ATOH8: variants seen among roughly 807,000 people sequenced by gnomAD.
ATOH8 encodes the protein atonal bHLH transcription factor 8.
Under a neutral mutation model 21.2 loss-of-function variants are expected in ATOH8, and 9 were observed. The observed-to-expected ratio is 0.42, with a 90% CI of 0.26 to 0.74. ATOH8 has a LOEUF of 0.74. Among genes scored for constraint, ATOH8 ranks in the 30% least tolerant of loss-of-function variants. The pLI is 0.24. For missense variants in ATOH8, 524 were observed against 470.9 expected (o/e 1.11, Z -1.04); for synonymous variants, 253 against 224.0 (o/e 1.13, Z -1.16).
chr2:85,786,558 G>A (rs1680625292), intron 2 of ATOH8, among the ~76,000 whole-genome samples: 1 of 152,224 alleles, frequency 6.6e-6, no homozygotes, highest in African/African-American at 2.4e-5. Flanking sequence ...ATCCCTCAGA[G>A]GGGTGGCCCT....
At position 85,774,368 on chromosome 2, in the gene ATOH8, G is replaced by A. The variant is rs1382128851; in HGVS notation, c.960+10186G>A. The A allele has an allele frequency of 3.0e-6, 3 of 985,470 alleles. No homozygotes were observed. In the African/African-American group the frequency reaches 5.2e-5, roughly 17 times the overall value. 61.0% of individuals were successfully genotyped at this position (985,470 alleles called of 1,614,324 possible). Reference sequence around the variant, plus strand: ...CACAGTGCGAGGCCTCAGACAGGGTGTCAGCAGGCCCTGGCTCCCCACATC... The same window carrying A: ...CACAGTGCGAGGCCTCAGACAGGGTATCAGCAGGCCCTGGCTCCCCACATC... On this transcript the variant is annotated intron_variant, in intron 2 of 2. Transcript: ENST00000306279.
Position 85,754,007 on chromosome 2 carries a change from G to A in ATOH8, c.-183G>A, listed in dbSNP as rs1679579051. 8.4e-6 allele frequency: 5 copies of A among 594,702 alleles called. No individual in the cohort carries two copies. The East Asian group carries it at 1.1e-4, about 13-fold the overall frequency. 36.8% of individuals were successfully genotyped at this position (594,702 alleles called of 1,614,324 possible). ...AGCGACTTCAGATGACACTCTGAGCGCTCCGGGAACGGACAGCCCGGCGGC... is the reference window on the plus strand; with the variant it reads ...AGCGACTTCAGATGACACTCTGAGCACTCCGGGAACGGACAGCCCGGCGGC... On this transcript the variant is annotated 5_prime_UTR_variant, in exon 1 of 3. Coordinates refer to ENST00000306279, the MANE Select transcript of ATOH8 (RefSeq NM_032827.7).
At chr2:85,774,037 G>A (rs1160672818) in intron 2 of ATOH8, 1 of 955,116 alleles carries the variant, frequency 1.0e-6, no homozygotes, top group Non-Finnish European at 1.2e-6. Context: ...ACCCTGATTA[G>A]TTATCATGAA....
At chr2:85,783,336 A>T (rs1680544833) in intron 2 of ATOH8, among the ~76,000 whole-genome samples, 1 of 152,120 alleles carries the variant, frequency 6.6e-6, no homozygotes, top group African/African-American at 2.4e-5. Context: ...CTGGGAGGCC[A>T]AGGAGGGTGG....
intron 2 of ATOH8, chr2:85,780,997 G>A: frequency 2.0e-6 from 2 of 988,020 alleles, no homozygotes; most frequent in East Asian, 1.1e-4. Context: ...AGAAGCCCAG[G>A]CTTTGCGCCT....
chr2:85,755,697 C>T (rs959876801), intron 1 of ATOH8, among the ~76,000 whole-genome samples: 1 of 152,108 alleles, frequency 6.6e-6, no homozygotes, highest in Non-Finnish European at 1.5e-5. Flanking sequence ...GGGCTGCCCT[C>T]ACCAGACAGT....
intron 2 of ATOH8, among the ~76,000 whole-genome samples, chr2:85,781,719 TAA>T (rs903916407): frequency 1.3e-5 from 2 of 149,836 alleles, no homozygotes; most frequent in Non-Finnish European, 3.0e-5. Context: ...CTACAAAAGA[TAA>T]AAAAAAACTA....
chr2:85,786,978 G>T lies in ATOH8; in HGVS notation c.*88G>T, dbSNP rs896593738. The stretch of plus-strand genomic sequence containing the variant: ...AGGTGAGCTCGCTGAGTCCAGCCTC[G>T]TGGTCTTCTCCAAGATGCCGCCAGA... On this transcript the variant is annotated 3_prime_UTR_variant, in exon 3 of 3. Transcript: ENST00000306279. 13 of 1,577,628 alleles carry T rather than the reference G, an allele frequency of 8.2e-6. No individual in the cohort carries two copies. The highest frequency in any genetic ancestry group is 2.2e-5 in the South Asian group (2 of 89,450).
chr2:85,761,248 G>A (rs540206770), intron 1 of ATOH8, among the ~76,000 whole-genome samples: 1 of 152,194 alleles, frequency 6.6e-6, no homozygotes. Flanking sequence ...GCTCCAGCCG[G>A]GTCTTAGCTG....
chr2:85,759,508 A>G (rs1388667695), intron 1 of ATOH8, among the ~76,000 whole-genome samples: 6 of 152,240 alleles, frequency 3.9e-5, no homozygotes, highest in Non-Finnish European at 5.9e-5. Flanking sequence ...AGTGACCAGG[A>G]TCTGTACTGT....
At chr2:85,761,886 G>T (rs1364001058) in intron 1 of ATOH8, among the ~76,000 whole-genome samples, 2 of 152,242 alleles carry the variant, frequency 1.3e-5, no homozygotes, top group Non-Finnish European at 2.9e-5. Flanking sequence ...TTTCTGGGAT[G>T]GGTTTGGAGC....
At chr2:85,778,500 C>A (rs1373744147) in intron 2 of ATOH8, among the ~76,000 whole-genome samples, 1 of 152,198 alleles carries the variant, frequency 6.6e-6, no homozygotes, top group African/African-American at 2.4e-5. Context: ...TTGCTGAAAT[C>A]ACTGGATTAT....
At position 85,786,876 on chromosome 2, in the gene ATOH8, G is replaced by C. The variant is rs879312777; in HGVS notation, c.961-9G>C. On this transcript the variant is annotated splice_polypyrimidine_tract_variant and intron_variant, in intron 2 of 2. Coordinates refer to ENST00000306279, the MANE Select transcript of ATOH8 (RefSeq NM_032827.7). ...GGGGCAGCTTTTAATGGCTGGTCAT[G>C]TCTTTCAGGAGTGACTGGCTGCAGG... 4 of 1,614,120 alleles carry C rather than the reference G, an allele frequency of 2.5e-6. No homozygotes were observed. The Admixed American group carries it at 6.7e-5, about 27-fold the overall frequency.
Position 85,788,308 on chromosome 2 carries a change from G to T in ATOH8, c.*1418G>T, listed in dbSNP as rs113626898. ...AACACATGAGGAGCCCTCTCTGTCC[G>T]CACTGCACTCAATCTGTACCATGGA... On this transcript the variant is annotated 3_prime_UTR_variant, in exon 3 of 3. Coordinates refer to ENST00000306279, the MANE Select transcript of ATOH8 (RefSeq NM_032827.7). Among the ~76,000 whole-genome samples, 1 of 152,034 alleles carries T rather than the reference G, an allele frequency of 6.6e-6. No homozygotes were observed. The highest frequency in any genetic ancestry group is 2.4e-5 in the African/African-American group (1 of 41,396).
chr2:85,788,550 G>A lies in ATOH8; in HGVS notation c.*1660G>A, dbSNP rs764202608. ...CATTGCTTCACCTCAGCGGGCCTAA[G>A]GTAGGGACAATAAAGGCCCATTGGG... On this transcript the variant is annotated 3_prime_UTR_variant, in exon 3 of 3. Coordinates refer to ENST00000306279, the MANE Select transcript of ATOH8 (RefSeq NM_032827.7). Among the ~76,000 whole-genome samples the A allele has an allele frequency of 7.2e-5, 11 of 152,082 alleles. No individual in the cohort carries two copies. The highest frequency in any genetic ancestry group is 1.6e-4 in the Non-Finnish European group (11 of 68,020).
chr2:85,763,576 C>A lies in ATOH8; in HGVS notation c.769-415C>A, dbSNP rs142090004. Among the ~76,000 whole-genome samples the A allele has an allele frequency of 3.3e-3, 500 of 152,238 alleles. 3 individuals carry two copies. The highest frequency in any genetic ancestry group is 7.1e-3 in the Admixed American group (109 of 15,298). Reference sequence around the variant, plus strand: ...GAATCAAGTCATTCATTGTTGCACTCCCCAAGTGCCCAGCAAAACAAGTGT... The same window carrying A: ...GAATCAAGTCATTCATTGTTGCACTACCCAAGTGCCCAGCAAAACAAGTGT... On this transcript the variant is annotated intron_variant, in intron 1 of 2. Transcript: ENST00000306279.
chr2:85,780,703 T>C (rs1348752594), intron 2 of ATOH8, among the ~76,000 whole-genome samples: 1 of 152,326 alleles, frequency 6.6e-6, no homozygotes, highest in Non-Finnish European at 1.5e-5. Context: ...AATAAATGAC[T>C]TTTTCTCCCC....
Position 85,790,532 on chromosome 2 carries a change from C to G in ATOH8, c.*3642C>G, listed in dbSNP as rs1003459603. ...GGTTTTGAGCAAGTGTTCATCCCCC[C>G]ACACTATGCTCCTTCCTGTCTCCAT... is the stretch of plus-strand genomic sequence containing the variant. On this transcript the variant is annotated 3_prime_UTR_variant, in exon 3 of 3. Coordinates refer to ENST00000306279, the MANE Select transcript of ATOH8 (RefSeq NM_032827.7). 2.0e-5 allele frequency among the ~76,000 whole-genome samples: 3 copies of G among 152,224 alleles called. No individual in the cohort carries two copies. The highest frequency in any genetic ancestry group is 6.5e-5 in the Admixed American group (1 of 15,286).
chr2:85,762,332 C>T (rs1679892013), intron 1 of ATOH8, among the ~76,000 whole-genome samples: 1 of 152,244 alleles, frequency 6.6e-6, no homozygotes, highest in Non-Finnish European at 1.5e-5. Context: ...CAGATAGCTT[C>T]ATCTTCATCA....
Sources: allele counts gnomAD v4.1 joint callset (sites outside exome capture counted in the v4.1 genomes callset), GRCh38; gene constraint gnomAD v4.1.1; transcripts MANE v1.5; gene names NCBI Gene and HGNC (gene_info 2026-07-23, HGNC 2026-07-21).